The following GALNT2 variants were observed in gnomAD, a reference collection of about 807,000 sequenced individuals.
The protein encoded by GALNT2 is UDP-GalNAc:polypeptide N-acetylgalactosaminyltransferase 2.
GALNT2 carries 31 observed loss-of-function variants against 81.4 expected under a neutral mutation model. That is an observed-to-expected ratio of 0.38 (90% CI 0.29 to 0.51). The LOEUF is 0.51. GALNT2 is among the 20% of genes least tolerant of loss of function. The probability of loss-of-function intolerance (pLI) is 0.87; values close to 1 mark genes in which losing one functional copy is unlikely to be tolerated. For missense variants in GALNT2, 629 were observed against 765.7 expected (o/e 0.82, Z 2.11); for synonymous variants, 303 against 287.4 (o/e 1.05, Z -0.55).
chr1:230,262,558 T>G lies in GALNT2; in HGVS notation c.1137-15T>G, dbSNP rs1665909748. On this transcript the variant is annotated splice_polypyrimidine_tract_variant and intron_variant, in intron 11 of 15. Transcript: ENST00000366672. ...AAGAAAGGAAATCACACCTCAAGAT[T>G]TATTTTCTTTCTAGAAACACCCGCC... The G allele has an allele frequency of 6.2e-7, 1 of 1,607,354 alleles. No homozygotes were observed. Among genetic ancestry groups the G allele is most frequent in the South Asian group, 1.1e-5 (1 of 90,932 alleles).
At chr1:230,267,951 T>C (rs1169791171) in intron 14 of GALNT2, among the ~76,000 whole-genome samples, 1 of 152,176 alleles carries the variant, frequency 6.6e-6, no homozygotes, top group Non-Finnish European at 1.5e-5. Flanking sequence ...CCCGCTGTGG[T>C]CCAGGTGTGA....
At chr1:230,171,212 T>A (rs1662780573) in intron 1 of GALNT2, among the ~76,000 whole-genome samples, 1 of 152,212 alleles carries the variant, frequency 6.6e-6, no homozygotes, top group Non-Finnish European at 1.5e-5. Context: ...GGGGAGGTCT[T>A]GGTCTTTAGC....
At chr1:230,266,709 C>A (rs1234764737) in intron 14 of GALNT2, among the ~76,000 whole-genome samples, 1 of 152,214 alleles carries the variant, frequency 6.6e-6, no homozygotes, top group Non-Finnish European at 1.5e-5. Flanking sequence ...GGCCAGTCCC[C>A]ATCCAGCATG....
At chr1:230,071,874 C>T (rs1433336653) in intron 1 of GALNT2, among the ~76,000 whole-genome samples, 2 of 152,166 alleles carry the variant, frequency 1.3e-5, no homozygotes, top group Non-Finnish European at 2.9e-5. Context: ...GGTCAGCAAA[C>T]ATAATGGAAA....
rs80235974 is a variant in GALNT2 at position 230,248,296 on chromosome 1, G to A, written c.818-888G>A. Among the ~76,000 whole-genome samples, 770 of 152,336 alleles carry A rather than the reference G, an allele frequency of 5.1e-3. 6 individuals carry two copies. The highest frequency in any genetic ancestry group is 0.018 in the African/African-American group (736 of 41,574). On this transcript the variant is annotated intron_variant, in intron 8 of 15. Transcript: ENST00000366672. ...TGTTGACAAAAAGCCTGATGGCAGA[G>A]AGCTTAAGAGGATTGAAAGATGCAT...
upstream of GALNT2, chr1:230,057,985 T>C: frequency 2.2e-6 from 1 of 456,054 alleles, no homozygotes; most frequent in Non-Finnish European, 4.4e-6. Flanking sequence ...AGGGCTCTGA[T>C]ACAAGAGTGT....
chr1:230,273,739 G>C (rs952417559), intron 14 of GALNT2, among the ~76,000 whole-genome samples: 2 of 152,132 alleles, frequency 1.3e-5, no homozygotes, highest in African/African-American at 4.8e-5. Context: ...CTCTAGCTCA[G>C]TTTTCTCATC....
At chr1:230,222,394 T>C (rs1280138010) in intron 3 of GALNT2, among the ~76,000 whole-genome samples, 5 of 152,164 alleles carry the variant, frequency 3.3e-5, no homozygotes, top group Non-Finnish European at 7.3e-5. Context: ...GTCTACTTAA[T>C]TGGTTTCTGA....
At chr1:230,087,036 G>A (rs996521960) in intron 1 of GALNT2, among the ~76,000 whole-genome samples, 3 of 152,214 alleles carry the variant, frequency 2.0e-5, no homozygotes, top group African/African-American at 7.2e-5. Flanking sequence ...CAGGCACGTA[G>A]GGAGAAAGAG....
At chr1:230,097,360 A>G (rs1660282181) in intron 1 of GALNT2, among the ~76,000 whole-genome samples, 2 of 152,148 alleles carry the variant, frequency 1.3e-5, no homozygotes, top group African/African-American at 4.8e-5. Context: ...AGCTCTTTCA[A>G]CTTGCAGAAC....
At position 230,181,792 on chromosome 1, in the gene GALNT2, G is replaced by A. The variant is rs190758694; in HGVS notation, c.220+3481G>A. On this transcript the variant is annotated intron_variant, in intron 2 of 15. Transcript: ENST00000366672. ...GTATTTCTTCTGCTTCTGTCTTCTGGAAGAGATTGTAGAGAATTGGTATAA... is the reference window on the plus strand; with the variant it reads ...GTATTTCTTCTGCTTCTGTCTTCTGAAAGAGATTGTAGAGAATTGGTATAA... Among the ~76,000 whole-genome samples, 293 of 152,282 alleles carry A rather than the reference G, an allele frequency of 1.9e-3. 2 individuals carry two copies. Among genetic ancestry groups the A allele is most frequent in the African/African-American group, 6.6e-3 (276 of 41,554 alleles).
chr1:230,130,042 G>A lies in GALNT2; in HGVS notation c.127-48176G>A, dbSNP rs75895919. The stretch of plus-strand genomic sequence containing the variant: ...ACCTCCATGTTCTTACTTGTAGAAC[G>A]TGGAGCCCAAGTCTACCATCCCTGC... On this transcript the variant is annotated intron_variant, in intron 1 of 15. Coordinates refer to ENST00000366672, the MANE Select transcript of GALNT2 (RefSeq NM_004481.5). Among the ~76,000 whole-genome samples, 44 of 152,324 alleles carry A rather than the reference G, an allele frequency of 2.9e-4. No individual in the cohort carries two copies. In the East Asian group the frequency reaches 7.7e-3, roughly 27 times the overall value.
At chr1:230,207,772 G>A (rs1484990596) in intron 3 of GALNT2, among the ~76,000 whole-genome samples, 2 of 151,932 alleles carry the variant, frequency 1.3e-5, no homozygotes, top group African/African-American at 4.8e-5. Context: ...GTAGAGATGG[G>A]GTCTTACTGT....
chr1:230,164,603 G>A (rs1210784629), intron 1 of GALNT2, among the ~76,000 whole-genome samples: 2 of 151,344 alleles, frequency 1.3e-5, no homozygotes, highest in African/African-American at 4.9e-5. Flanking sequence ...GTGCGATCTC[G>A]GCTCACTGTA....
intron 3 of GALNT2, among the ~76,000 whole-genome samples, chr1:230,212,847 C>CA (rs1014642946): frequency 6.6e-6 from 1 of 151,492 alleles, no homozygotes; most frequent in Non-Finnish European, 1.5e-5. Context: ...TATGTTTCCT[C>CA]TTTTTTTTTG....
At chr1:230,229,050 T>C (rs1162270938) in intron 3 of GALNT2, among the ~76,000 whole-genome samples, 1 of 152,218 alleles carries the variant, frequency 6.6e-6, no homozygotes, top group Non-Finnish European at 1.5e-5. Context: ...ATTCACAATA[T>C]ATTAATGACC....
chr1:230,221,349 A>G (rs1315506846), intron 3 of GALNT2, among the ~76,000 whole-genome samples: 1 of 152,176 alleles, frequency 6.6e-6, no homozygotes, highest in South Asian at 2.1e-4. Context: ...TTTTCGAATA[A>G]CCTCCTTGCT....
chr1:230,101,215 A>G (rs969999061), intron 1 of GALNT2, among the ~76,000 whole-genome samples: 1 of 152,246 alleles, frequency 6.6e-6, no homozygotes, highest in Non-Finnish European at 1.5e-5. Context: ...ACACATACAC[A>G]TATGTGTATG....
intron 1 of GALNT2, among the ~76,000 whole-genome samples, chr1:230,099,372 T>C (rs1217434202): frequency 6.6e-6 from 1 of 152,070 alleles, no homozygotes; most frequent in Non-Finnish European, 1.5e-5. Context: ...TCAGATGTCT[T>C]GGGGAATCTG....
Sources: allele counts gnomAD v4.1 joint callset (sites outside exome capture counted in the v4.1 genomes callset), GRCh38; gene constraint gnomAD v4.1.1; transcripts MANE v1.5; gene names NCBI Gene and HGNC (gene_info 2026-07-23, HGNC 2026-07-21).